PSMD9: variants seen among roughly 807,000 people sequenced by gnomAD.
The protein encoded by PSMD9 is 26S proteasome non-ATPase regulatory subunit 9.
In PSMD9, 26 loss-of-function variants were observed where a neutral mutation model predicts 25.9. The observed-to-expected ratio is 1.00, with a 90% confidence interval of 0.73 to 1.39. The LOEUF (loss-of-function observed/expected upper bound fraction) is 1.39. Among genes scored for constraint, PSMD9 ranks in the 40% most tolerant of loss-of-function variants. The pLI, the probability that PSMD9 is intolerant of heterozygous loss-of-function variation, is 0.00. For synonymous variants in PSMD9, 110 were observed against 114.5 expected, an observed-to-expected ratio of 0.96 and a Z score of 0.25; for missense variants, 303 against 299.3, an observed-to-expected ratio of 1.01 and a Z score of -0.09.
chr12:121,905,057 CTT>C (rs1879514044), intron 4 of PSMD9, among the ~76,000 whole-genome samples: 2 of 151,722 alleles, frequency 1.3e-5, no homozygotes, highest in East Asian at 1.9e-4. Flanking sequence ...ATTTTCATCA[CTT>C]CTCCTCCTGA....
intron 4 of PSMD9, among the ~76,000 whole-genome samples, chr12:121,910,478 T>C (rs1461999847): frequency 2.0e-5 from 3 of 151,808 alleles, no homozygotes; most frequent in African/African-American, 7.3e-5. Flanking sequence ...ATTACCATTT[T>C]AGGCCGGGCG....
At chr12:121,894,510 A>G (rs888875368) in intron 1 of PSMD9, 10 of 490,734 alleles carry the variant, frequency 2.0e-5, no homozygotes, top group Admixed American at 2.0e-4. Context: ...TTCAAAAAAG[A>G]ATGGATTCAT....
chr12:121,910,718 C>A (rs1282768813), intron 4 of PSMD9, among the ~76,000 whole-genome samples: 3 of 151,724 alleles, frequency 2.0e-5, no homozygotes, highest in African/African-American at 7.3e-5. Flanking sequence ...CGAGATCACG[C>A]CACTGCACTC....
rs34301662 is a variant in PSMD9 at position 121,910,773 on chromosome 12, A to AG, written c.556-5083_556-5082insG. Among the ~76,000 whole-genome samples the AG allele has an allele frequency of 3.0e-3, 456 of 151,006 alleles. 10 individuals carry two copies. Among genetic ancestry groups the AG allele is most frequent in the Non-Finnish European group, 7.4e-4 (50 of 67,738 alleles). On this transcript the variant is annotated intron_variant, in intron 4 of 5. Coordinates refer to ENST00000541212, the MANE Select transcript of PSMD9 (RefSeq NM_002813.7). ...GAAACTTTGTCTCAAAAAAAAAAAA[A>AG]TTACCATTTTAACCATTAAAAAATC...
chr12:121,913,238 C>G (rs1879790490), intron 4 of PSMD9, among the ~76,000 whole-genome samples: 2 of 151,852 alleles, frequency 1.3e-5, no homozygotes, highest in Non-Finnish European at 2.9e-5. Context: ...GCCACCGCGC[C>G]TGGCCTTTTT....
chr12:121,888,853 C>A lies in PSMD9; in HGVS notation c.-4C>A, dbSNP rs778114716. 3.1e-6 allele frequency: 5 copies of A among 1,601,728 alleles called. No homozygotes were observed. In the African/African-American group the frequency reaches 4.0e-5, roughly 13 times the overall value. ...GTCTCTGGAGTCGCGGCCCGGGGTT[C>A]ACGATGTCCGACGAGGAAGCGAGGC... is the stretch of plus-strand genomic sequence containing the variant. On this transcript the variant is annotated 5_prime_UTR_variant, in exon 1 of 6. Transcript: ENST00000541212.
chr12:121,908,278 A>C (rs993743215), intron 4 of PSMD9: 1 of 151,736 alleles, frequency 6.6e-6, no homozygotes, highest in African/African-American at 2.4e-5. Flanking sequence ...TCCCGGGTTC[A>C]AGCAATTCTC....
At chr12:121,907,753 A>C (rs951757799) in intron 4 of PSMD9, among the ~76,000 whole-genome samples, 1 of 152,232 alleles carries the variant, frequency 6.6e-6, no homozygotes, top group Non-Finnish European at 1.5e-5. Context: ...TCAATGATAA[A>C]AATAGGCTGG....
At chr12:121,900,324 C>CTA (rs1199064170) in intron 3 of PSMD9, among the ~76,000 whole-genome samples, 2 of 152,126 alleles carry the variant, frequency 1.3e-5, no homozygotes, top group East Asian at 3.9e-4. Flanking sequence ...CTCAGGAAGT[C>CTA]GAAGTTGCAG....
rs1878976576 is a variant in PSMD9, at chr12:121,889,013, C to T, written c.138+19C>T. The T allele has an allele frequency of 6.4e-7, 1 of 1,570,162 alleles. No individual in the cohort carries two copies. Among genetic ancestry groups the T allele is most frequent in the Non-Finnish European group, 8.6e-7 (1 of 1,157,092 alleles). On this transcript the variant is annotated intron_variant, in intron 1 of 5. Coordinates refer to ENST00000541212, the MANE Select transcript of PSMD9 (RefSeq NM_002813.7). ...GGAAAGCGTGAGTGTGGGTTCGGGG[C>T]GCCCCAAGTCGCCTAACCCGGCCCG...
chr12:121,913,829 C>T (rs1302768446), intron 4 of PSMD9, among the ~76,000 whole-genome samples: 1 of 151,884 alleles, frequency 6.6e-6, no homozygotes, highest in Admixed American at 6.6e-5. Context: ...ATGTGGGTTG[C>T]CTTTTCACTC....
chr12:121,889,944 G>C (rs1879014484), intron 1 of PSMD9, among the ~76,000 whole-genome samples: 1 of 152,012 alleles, frequency 6.6e-6, no homozygotes, highest in South Asian at 2.1e-4. Flanking sequence ...CTGAGACGGA[G>C]TCTTGCTTTG....
chr12:121,904,111 G>T (rs1468196390), intron 4 of PSMD9, among the ~76,000 whole-genome samples: 1 of 152,036 alleles, frequency 6.6e-6, no homozygotes, highest in Admixed American at 6.6e-5. Context: ...GCTGGCAGTT[G>T]CCTATGCCCC....
At position 121,899,641 on chromosome 12, in the gene PSMD9, G is replaced by T. The variant is rs765616632; in HGVS notation, c.249G>T (p.Gln83His). ...GTGTGGTTCTCATCCCAGGCCTGCA[G>T]AATGATCACAAGGCAGTGATGAAGC... The part of the protein sequence containing the change: ...RTARHNIICL[Q>H]NDHKAVMKQV... The change falls in exon 3 of 6, where the codon CAG (glutamine) becomes CAT (histidine). Residue 83 changes from glutamine (Q) to histidine (H), a missense_variant. By Grantham distance (24) the Gln-to-His change is conservative. Coordinates refer to ENST00000541212, the MANE Select transcript of PSMD9 (RefSeq NM_002813.7). The T allele has an allele frequency of 3.1e-6, 5 of 1,606,008 alleles. No individual in the cohort carries two copies. In the East Asian group the frequency reaches 9.0e-5, roughly 29 times the overall value.
chr12:121,895,889 C>T (rs938649426), intron 2 of PSMD9, among the ~76,000 whole-genome samples: 3 of 152,214 alleles, frequency 2.0e-5, no homozygotes, highest in South Asian at 2.1e-4. Context: ...TCCACTCAGC[C>T]ATAGGTAGGC....
chr12:121,894,867 C>T, intron 2 of PSMD9, 26 bp downstream of exon 2: 1 of 1,590,508 alleles, frequency 6.3e-7, no homozygotes, highest in Non-Finnish European at 8.6e-7. Flanking sequence ...AGAAGACTTT[C>T]CCCACCTTGT....
intron 2 of PSMD9, among the ~76,000 whole-genome samples, chr12:121,896,301 C>T (rs1879227877): frequency 2.0e-5 from 3 of 151,534 alleles, no homozygotes; most frequent in Admixed American, 1.3e-4. Flanking sequence ...AAAATCCTGT[C>T]TGTACTAAAA....
At chr12:121,889,018 CA>C in intron 1 of PSMD9, 24 bp downstream of exon 1, 1 of 1,569,812 alleles carries the variant, frequency 6.4e-7, no homozygotes. Context: ...CGGGGCGCCC[CA>C]AGTCGCCTAA....
intron 1 of PSMD9, 90 bp from the exon 2 acceptor site, chr12:121,894,649 A>G: frequency 9.0e-7 from 1 of 1,106,746 alleles, no homozygotes; most frequent in African/African-American, 1.5e-5. Context: ...TGTCACCTTT[A>G]TTATGACTTC....
Sources: allele counts gnomAD v4.1 joint callset (sites outside exome capture counted in the v4.1 genomes callset), GRCh38; gene constraint gnomAD v4.1.1; transcripts MANE v1.5; gene names NCBI Gene and HGNC (gene_info 2026-07-23, HGNC 2026-07-21).